RBFOX1: variants seen among roughly 807,000 people sequenced by gnomAD.
RBFOX1 encodes the protein RNA binding fox-1 homolog 1.
RBFOX1 carries 8 observed loss-of-function variants against 57.7 expected under a neutral mutation model. The observed-to-expected ratio is 0.14, with a 90% CI of 0.08 to 0.25. The LOEUF (loss-of-function observed/expected upper bound fraction) is 0.25. RBFOX1 is among the 10% of genes least tolerant of loss of function. The pLI is 1.00. For synonymous variants in RBFOX1, 326 were observed against 222.4 expected (o/e 1.47, Z -4.15); for missense variants, 611 against 548.5 (o/e 1.11, Z -1.14).
intron 5 of RBFOX1, among the ~76,000 whole-genome samples, chr16:7,560,783 G>A (rs78361061): frequency 0.018 from 2,707 of 152,204 alleles, 80 homozygotes; most frequent in South Asian, 0.13. Context: ...CAAGACTAGC[G>A]GATGTTTCCC....
At chr16:5,461,172 C>T (rs902891550) in intron 1 of RBFOX1, among the ~76,000 whole-genome samples, 3 of 152,178 alleles carry the variant, frequency 2.0e-5, no homozygotes, top group Non-Finnish European at 4.4e-5. Flanking sequence ...CCGTCGTGGT[C>T]TTGCTGTTTG....
At chr16:7,620,961 C>T (rs571844105) in intron 10 of RBFOX1, among the ~76,000 whole-genome samples, 1 of 152,194 alleles carries the variant, frequency 6.6e-6, no homozygotes, top group African/African-American at 2.4e-5. Context: ...CATGAGGTTC[C>T]TATGTAATCC....
chr16:6,233,575 C>T (rs1337825288), intron 1 of RBFOX1, among the ~76,000 whole-genome samples: 5 of 152,114 alleles, frequency 3.3e-5, no homozygotes, highest in Admixed American at 6.6e-5. Context: ...TCACCCTCTA[C>T]ATTGTTCACT....
At chr16:6,181,506 C>G (rs772848571) in intron 1 of RBFOX1, among the ~76,000 whole-genome samples, 1 of 152,220 alleles carries the variant, frequency 6.6e-6, no homozygotes, top group African/African-American at 2.4e-5. Flanking sequence ...GACTTCCTCA[C>G]TCAGCCATAG....
At chr16:7,278,119 C>A (rs1351051759) in intron 4 of RBFOX1, among the ~76,000 whole-genome samples, 5 of 151,822 alleles carry the variant, frequency 3.3e-5, no homozygotes, top group African/African-American at 1.2e-4. Flanking sequence ...GTATTTGGCT[C>A]CGCTTGGTTT....
At chr16:6,403,706 G>A (rs1446657617) in intron 2 of RBFOX1, among the ~76,000 whole-genome samples, 1 of 152,086 alleles carries the variant, frequency 6.6e-6, no homozygotes, top group Non-Finnish European at 1.5e-5. Flanking sequence ...GGACCCTCAA[G>A]TGCATCTGGA....
At chr16:7,421,308 A>C (rs1224868110) in intron 4 of RBFOX1, among the ~76,000 whole-genome samples, 1 of 152,120 alleles carries the variant, frequency 6.6e-6, no homozygotes, top group African/African-American at 2.4e-5. Context: ...CTTGTTTCTG[A>C]TTTTATCTAA....
chr16:6,897,045 C>T (rs1179478837), intron 3 of RBFOX1, among the ~76,000 whole-genome samples: 1 of 152,182 alleles, frequency 6.6e-6, no homozygotes, highest in Non-Finnish European at 1.5e-5. Flanking sequence ...GACCTGAGCT[C>T]TCCACACCTT....
intron 2 of RBFOX1, among the ~76,000 whole-genome samples, chr16:6,650,463 TG>T (rs1308704934): frequency 6.6e-6 from 1 of 152,176 alleles, no homozygotes; most frequent in African/African-American, 2.4e-5. Flanking sequence ...TCCCTCATTG[TG>T]TGATTCAGTA....
chr16:6,611,416 G>A (rs536279928), intron 2 of RBFOX1, among the ~76,000 whole-genome samples: 4 of 152,318 alleles, frequency 2.6e-5, no homozygotes, highest in Admixed American at 1.3e-4. Context: ...CAAAGTGCTG[G>A]GATGTCAGGC....
intron 1 of RBFOX1, among the ~76,000 whole-genome samples, chr16:6,089,122 A>G (rs1388543099): frequency 6.6e-6 from 1 of 151,614 alleles, no homozygotes; most frequent in Non-Finnish European, 1.5e-5. Flanking sequence ...TTGATATTAA[A>G]GAGTAATGAT....
chr16:7,099,163 A>G (rs1248708450), intron 4 of RBFOX1, among the ~76,000 whole-genome samples: 5 of 152,226 alleles, frequency 3.3e-5, no homozygotes, highest in Non-Finnish European at 5.9e-5. Context: ...AGTTGTAACC[A>G]TCAATACTGT....
chr16:5,354,611 C>T lies in RBFOX1; in HGVS notation c.220-112605C>T, dbSNP rs568443794. 7.3e-4 allele frequency among the ~76,000 whole-genome samples: 111 copies of T among 152,378 alleles called. 2 individuals carry two copies. In the South Asian group the frequency reaches 0.012, roughly 17 times the overall value. ...TTAATCTTAAGCCGCTTTTCCAGGC[C>T]TTGTGCTCTGCACAGAGTGCTGTCT... On this transcript the variant is annotated intron_variant, in intron 1 of 2. Coordinates refer to the RBFOX1 transcript ENST00000585867.
At chr16:6,653,296 A>G (rs1602871018) in intron 2 of RBFOX1, among the ~76,000 whole-genome samples, 3 of 141,572 alleles carry the variant, frequency 2.1e-5, no homozygotes, top group Non-Finnish European at 1.5e-5. Flanking sequence ...CCATTAAGTG[A>G]TATGCATGGT....
At chr16:6,999,469 C>G (rs897284374) in intron 3 of RBFOX1, among the ~76,000 whole-genome samples, 1 of 151,454 alleles carries the variant, frequency 6.6e-6, no homozygotes. Flanking sequence ...GAGTCTTGCT[C>G]TGTCACCCAG....
chr16:6,015,510 G>A (rs1389327986), upstream of RBFOX1, among the ~76,000 whole-genome samples: 1 of 152,174 alleles, frequency 6.6e-6, no homozygotes, highest in Non-Finnish European at 1.5e-5. Context: ...TTCAGAGCCT[G>A]CCTTGGGCCT....
At chr16:5,996,859 C>A (rs993614737) in intron 4 of RBFOX1, among the ~76,000 whole-genome samples, 2 of 152,062 alleles carry the variant, frequency 1.3e-5, no homozygotes, top group African/African-American at 2.4e-5. Context: ...GGAAAAGAAA[C>A]CCACTGTTGT....
intron 4 of RBFOX1, among the ~76,000 whole-genome samples, chr16:7,376,414 A>C (rs2097686891): frequency 6.6e-6 from 1 of 152,134 alleles, no homozygotes; most frequent in South Asian, 2.1e-4. Context: ...TCCCCATTTC[A>C]CAGATGAGCA....
At chr16:7,422,606 A>G (rs2098553206) in intron 4 of RBFOX1, among the ~76,000 whole-genome samples, 1 of 152,174 alleles carries the variant, frequency 6.6e-6, no homozygotes, top group Non-Finnish European at 1.5e-5. Flanking sequence ...TTACCCACTC[A>G]GCACGATTTT....
Sources: allele counts gnomAD v4.1 joint callset (sites outside exome capture counted in the v4.1 genomes callset), GRCh38; gene constraint gnomAD v4.1.1; transcripts MANE v1.5; gene names NCBI Gene and HGNC (gene_info 2026-07-23, HGNC 2026-07-21).